The following SLC17A5 variants were observed in gnomAD, a reference collection of about 807,000 sequenced individuals.
SLC17A5 encodes sialin.
Under a neutral mutation model 59.4 loss-of-function variants are expected in SLC17A5, and 47 were observed. The ratio of observed to expected loss-of-function variants is 0.79; its 90% CI spans 0.63 to 1.01. SLC17A5 has a LOEUF of 1.01. Among genes scored for constraint, SLC17A5 ranks in the 50% least tolerant of loss-of-function variants. SLC17A5 has a pLI of 0.00. For synonymous variants in SLC17A5, 202 were observed against 210.7 expected (o/e 0.96, Z 0.36); for missense variants, 522 against 595.5 (o/e 0.88, Z 1.28).
rs1057517269 is a variant in SLC17A5, at chr6:73,644,482, TG to T, written c.215del (p.Thr72LysfsTer3). On this transcript the variant is annotated frameshift_variant, in exon 2 of 11. Transcript: ENST00000355773. LOFTEE classifies it high-confidence loss of function. ...TGGAAGTTCTATTATCTTCTAAAGTTGTATTTGAATCTACCATATCCACTAA... is the reference window on the plus strand; with the variant it reads ...TGGAAGTTCTATTATCTTCTAAAGTTTATTTGAATCTACCATATCCACTAA... Reference protein sequence around the residue: ...VALVDMVDSNTTLEDNRTSKA... With the variant: ...VALVDMVDSNXTLEDNRTSKA... 6.2e-7 allele frequency: 1 copy of T among 1,614,050 alleles called. No individual in the cohort carries two copies. Among genetic ancestry groups the T allele is most frequent in the East Asian group, 2.2e-5 (1 of 44,860 alleles).
In SLC17A5 at chr6:73,595,127, C is replaced by T; in HGVS notation, c.1438G>A (p.Gly480Ser). 1 of 1,614,084 alleles carries T rather than the reference C, an allele frequency of 6.2e-7. No homozygotes were observed. The change falls in exon 11 of 11, where the codon GGT becomes AGT. Residue 480 changes from glycine (G) to serine (S), a missense_variant. By Grantham distance (56) the Gly-to-Ser change is moderately conservative. This residue lies in a region of SLC17A5 where 153 missense variants were observed against 168.5 expected (regional missense o/e 0.91). Transcript: ENST00000355773. ...TTGAGAGCCCAGTTTTGTACTTCAC[C>T]TTTGGCGAATAGTGTAAAGAAAATG... ...GAIFFTLFAK[G>S]EVQNWALNDH...
intron 10 of SLC17A5, among the ~76,000 whole-genome samples, chr6:73,598,538 G>A (rs1766921297): frequency 6.6e-6 from 1 of 152,154 alleles, no homozygotes; most frequent in South Asian, 2.1e-4. Flanking sequence ...GGCTGAGGCA[G>A]GAGAATTGTT....
intron 8 of SLC17A5, 75 bp from the exon 9 acceptor site, chr6:73,610,622 T>C (rs1019585380): frequency 5.9e-6 from 9 of 1,516,870 alleles, no homozygotes; most frequent in Middle Eastern, 1.7e-4. Flanking sequence ...GGTATAAATC[T>C]GAAATTTGAA....
intron 1 of SLC17A5, 24 bp downstream of exon 1, chr6:73,653,769 C>G: frequency 6.4e-7 from 1 of 1,557,088 alleles, no homozygotes; most frequent in Non-Finnish European, 8.7e-7. Context: ...CCACTCGAAG[C>G]CCCTGGACGA....
At chr6:73,612,710 GACTACAGATACATACCA>G (rs1767685845) in intron 8 of SLC17A5, among the ~76,000 whole-genome samples, 1 of 152,090 alleles carries the variant, frequency 6.6e-6, no homozygotes, top group Non-Finnish European at 1.5e-5. Flanking sequence ...GAGTAGCTGG[GACTACAGATACATACCA>G]TCATGCCTAA....
At chr6:73,633,511 C>T (rs1224561894) in intron 6 of SLC17A5, among the ~76,000 whole-genome samples, 6 of 151,712 alleles carry the variant, frequency 4.0e-5, no homozygotes, top group Non-Finnish European at 5.9e-5. Context: ...GGATTACAGG[C>T]GTAAATCACC....
At chr6:73,609,515 T>G (rs1767548895) in intron 9 of SLC17A5, among the ~76,000 whole-genome samples, 1 of 152,070 alleles carries the variant, frequency 6.6e-6, no homozygotes, top group Admixed American at 6.6e-5. Flanking sequence ...ACAAATATAT[T>G]TGCACATAGG....
At chr6:73,610,340 C>T (rs920063450) in intron 9 of SLC17A5, 60 bp downstream of exon 9, 3 of 1,595,910 alleles carry the variant, frequency 1.9e-6, no homozygotes, top group Non-Finnish European at 2.6e-6. Flanking sequence ...GGCCTTTTAT[C>T]AGGATTTTTA....
chr6:73,625,838 G>A (rs1581974728), intron 6 of SLC17A5, among the ~76,000 whole-genome samples: 1 of 152,270 alleles, frequency 6.6e-6, no homozygotes, highest in Non-Finnish European at 1.5e-5. Context: ...GTGGGTGGGA[G>A]GTAAGTATCC....
intron 6 of SLC17A5, among the ~76,000 whole-genome samples, chr6:73,628,094 T>G (rs1768524134): frequency 6.6e-6 from 1 of 152,012 alleles, no homozygotes; most frequent in South Asian, 2.1e-4. Context: ...AATTTTTAAA[T>G]TTTTTGTAGA....
At chr6:73,620,526 A>G (rs2150097793) in intron 7 of SLC17A5, among the ~76,000 whole-genome samples, 1 of 152,286 alleles carries the variant, frequency 6.6e-6, no homozygotes, top group South Asian at 2.1e-4. Context: ...ATTTCTATAT[A>G]GTGATCTTGT....
chr6:73,641,236 T>C (rs1208015056), intron 3 of SLC17A5, among the ~76,000 whole-genome samples: 2 of 152,088 alleles, frequency 1.3e-5, no homozygotes, highest in Admixed American at 1.3e-4. Context: ...TGCACCACCA[T>C]GCCCGGCTAA....
At chr6:73,638,644 T>G (rs1486953953) in intron 3 of SLC17A5, 145 bp from the exon 4 acceptor site, 5 of 711,270 alleles carry the variant, frequency 7.0e-6, no homozygotes, top group Non-Finnish European at 1.2e-5. Flanking sequence ...ATTTTTACAG[T>G]GTTAAGTGAA....
rs1410714000 is a variant in SLC17A5 at position 73,641,744 on chromosome 6, C to G, written c.472G>C (p.Asp158His). The G allele has an allele frequency of 6.2e-7, 1 of 1,614,172 alleles. No homozygotes were observed. The highest frequency in any genetic ancestry group is 8.5e-7 in the Non-Finnish European group (1 of 1,180,026). The change falls in exon 3 of 11, where the codon GAT (aspartate) becomes CAT (histidine). Residue 158 changes from aspartate to histidine, a missense_variant. Transcript: ENST00000355773. ...ACAATGAGTGGTCCAACTCCTAAAT[C>G]TGCAGCAATGGGAGTGAACAGGGTG... ...VLTLFTPIAA[D>H]LGVGPLIVLR...
At chr6:73,601,371 G>A (rs1767077124) in intron 9 of SLC17A5, among the ~76,000 whole-genome samples, 1 of 147,998 alleles carries the variant, frequency 6.8e-6, no homozygotes, top group Non-Finnish European at 1.5e-5. Context: ...GGGAAGTGAG[G>A]AGCGTCTCCG....
At chr6:73,652,522 T>C (rs1025615863) in intron 1 of SLC17A5, among the ~76,000 whole-genome samples, 1 of 152,234 alleles carries the variant, frequency 6.6e-6, no homozygotes, top group Non-Finnish European at 1.5e-5. Context: ...TGATTATACA[T>C]ATACATATTT....
chr6:73,630,011 G>GAGCA (rs1185024763), intron 6 of SLC17A5, among the ~76,000 whole-genome samples: 1 of 142,466 alleles, frequency 7.0e-6, no homozygotes, highest in African/African-American at 2.6e-5. Flanking sequence ...TTTTTTTTTT[G>GAGCA]AGATAGAGTC....
At chr6:73,599,002 AAC>A (rs574299065) in intron 10 of SLC17A5, among the ~76,000 whole-genome samples, 2 of 150,402 alleles carry the variant, frequency 1.3e-5, no homozygotes, top group Admixed American at 6.6e-5. Context: ...AAAACCAAAA[AAC>A]ACACACACAC....
At chr6:73,649,699 G>A (rs937043966) in intron 1 of SLC17A5, among the ~76,000 whole-genome samples, 2 of 152,172 alleles carry the variant, frequency 1.3e-5, no homozygotes, top group Non-Finnish European at 2.9e-5. Context: ...CACTGAGTTA[G>A]TAATGTAAAA....
Sources: gnomAD v4.1 joint callset for allele counts (sites outside exome capture counted in the v4.1 genomes callset) on GRCh38, gnomAD v4.1.1 for gene constraint, gnomAD v4.1.1 regional missense constraint, MANE v1.5 for transcripts, NCBI Gene and HGNC (gene_info 2026-07-23, HGNC 2026-07-21) for gene names.